LETMD1: variants seen among roughly 807,000 people sequenced by gnomAD.
The protein encoded by LETMD1 is LETM1 domain containing 1, also known as LETM1 domain-containing protein 1.
Under a neutral mutation model 43.9 loss-of-function variants are expected in LETMD1, and 30 were observed. That is an observed-to-expected ratio of 0.68 (90% CI 0.51 to 0.93). The LOEUF (loss-of-function observed/expected upper bound fraction) is 0.93. LETMD1 is among the 40% of genes least tolerant of loss of function. The pLI is 0.00. For synonymous variants in LETMD1, 176 were observed against 163.1 expected, an observed-to-expected ratio of 1.08 and a Z score of -0.60; for missense variants, 413 against 447.7, an observed-to-expected ratio of 0.92 and a Z score of 0.70.
intron 1 of LETMD1, chr12:51,048,828 G>A (rs562588237): frequency 1.7e-6 from 1 of 604,958 alleles, no homozygotes; most frequent in African/African-American, 1.9e-5. Context: ...GGCATACCCT[G>A]AGTTACTTTC....
intron 3 of LETMD1, 116 bp downstream of exon 3, chr12:51,052,323 C>T: frequency 8.0e-7 from 1 of 1,249,372 alleles, no homozygotes; most frequent in Non-Finnish European, 1.1e-6. Flanking sequence ...TTGCCCTTTG[C>T]CGTGAGAACA....
chr12:51,064,662 C>T (rs1937919308), downstream of LETMD1: 7 of 1,519,936 alleles, frequency 4.6e-6, no homozygotes, highest in African/African-American at 1.4e-5. Flanking sequence ...AAAGGACATG[C>T]GATCCACCTG....
chr12:51,049,442 A>AATGATACGGCG, intron 2 of LETMD1: 3 of 380,946 alleles, frequency 7.9e-6, no homozygotes, highest in Non-Finnish European at 1.4e-5. Context: ...GTACTTTCTT[A>AATGATACGGCG]ACCACACACC....
intron 4 of LETMD1, among the ~76,000 whole-genome samples, chr12:51,054,885 G>A (rs1361009151): frequency 1.3e-5 from 2 of 152,176 alleles, no homozygotes; most frequent in Admixed American, 1.3e-4. Context: ...CAGATCACAA[G>A]GTCAGGAGAT....
intron 4 of LETMD1, among the ~76,000 whole-genome samples, chr12:51,054,790 G>A (rs1344355460): frequency 1.3e-5 from 2 of 152,116 alleles, no homozygotes; most frequent in African/African-American, 2.4e-5. Flanking sequence ...CACCAAACAC[G>A]TAGATAAATA....
chr12:51,050,869 C>T (rs570014156), intron 2 of LETMD1, among the ~76,000 whole-genome samples: 1 of 151,258 alleles, frequency 6.6e-6, no homozygotes, highest in South Asian at 2.1e-4. Flanking sequence ...CAAAATCAGC[C>T]AGGTATAGTG....
At position 51,053,798 on chromosome 12, in the gene LETMD1, G is replaced by A. The variant is rs144819671; in HGVS notation, c.411G>A (p.Lys137=). ...HLRQFRQDVT[K]CLFLGIISIP... ...CTTAGTTCCGCCAAGACGTCACCAA[G>A]TGTCTTTTCCTAGGTATTATTTCCA... The change falls in exon 4 of 9, where the codon AAG becomes AAA. Residue 137 remains lysine, a synonymous_variant. Transcript: ENST00000262055. The A allele has an allele frequency of 7.4e-6, 12 of 1,613,250 alleles. No individual in the cohort carries two copies. The highest frequency in any genetic ancestry group is 4.5e-5 in the East Asian group (2 of 44,856).
the LETMD1 span, chr12:51,067,983 G>C: frequency 6.2e-7 from 1 of 1,610,450 alleles, no homozygotes. This position sits in a 1 kb window ranked among gnomAD's most constrained non-coding sequence, Gnocchi z 4.1. Flanking sequence ...CCAAGAGACA[G>C]GAAAGGTTAG....
chr12:51,057,681 A>C (rs1948115663), intron 7 of LETMD1: 1 of 287,470 alleles, frequency 3.5e-6, no homozygotes, highest in Middle Eastern at 1.3e-3. Flanking sequence ...GCTGGAGTGC[A>C]GTGGCATGAT....
At chr12:51,059,059 C>T (rs1441796061) in intron 8 of LETMD1, 2 of 370,200 alleles carry the variant, frequency 5.4e-6, no homozygotes, top group Admixed American at 7.6e-5. Flanking sequence ...GAGAAATGTC[C>T]CTAGAGCACC....
chr12:51,056,283 C>T, intron 6 of LETMD1, 38 bp downstream of exon 6: 1 of 1,613,178 alleles, frequency 6.2e-7, no homozygotes, highest in South Asian at 1.1e-5. Flanking sequence ...CATAGCATCA[C>T]CATGTTTCAG....
chr12:51,063,838 T>C (rs760433571), downstream of LETMD1: 1 of 1,613,848 alleles, frequency 6.2e-7, no homozygotes, highest in Non-Finnish European at 8.5e-7. Flanking sequence ...CCCTCTTCAT[T>C]GTCCGTGCGG....
intron 3 of LETMD1, among the ~76,000 whole-genome samples, chr12:51,052,578 C>T (rs1403642992): frequency 2.6e-5 from 4 of 152,038 alleles, no homozygotes; most frequent in African/African-American, 7.2e-5. Context: ...GTCAGGAATT[C>T]GAGACCAGCC....
chr12:51,049,418 A>ATAGG (rs1945299313), intron 2 of LETMD1: 1 of 457,718 alleles, frequency 2.2e-6, no homozygotes, highest in Non-Finnish European at 3.9e-6. Context: ...GAGGGAGAAT[A>ATAGG]TAGGTATGTT....
Position 51,053,828 on chromosome 12 carries a change from A to G in LETMD1, c.441A>G (p.Pro147=), listed in dbSNP as rs578055986. The G allele has an allele frequency of 4.0e-4, 641 of 1,613,166 alleles. 1 individual carries two copies. Among genetic ancestry groups the G allele is most frequent in the Admixed American group, 7.7e-4 (46 of 59,876 alleles). ...TTTTCCTAGGTATTATTTCCATTCC[A>G]CCTTTTGCCAACTACCTGGTCTTCT... ...KCLFLGIISI[P]PFANYLVFLL... is the part of the protein sequence containing the mutation. The change falls in exon 4 of 9, where the codon CCA becomes CCG. Residue 147 remains proline (P), a synonymous_variant. Coordinates refer to ENST00000262055, the MANE Select transcript of LETMD1 (RefSeq NM_015416.5).
chr12:51,052,035 T>A, intron 2 of LETMD1, 57 bp from the exon 3 acceptor site: 1 of 1,496,418 alleles, frequency 6.7e-7, no homozygotes, highest in South Asian at 1.2e-5. Flanking sequence ...TAGGAAGCTG[T>A]GGTTAAGATT....
chr12:51,055,250 T>G (rs1947318582), intron 4 of LETMD1, among the ~76,000 whole-genome samples: 2 of 152,030 alleles, frequency 1.3e-5, no homozygotes, highest in South Asian at 4.1e-4. Context: ...TCAAAATGAG[T>G]CATTATATCT....
chr12:51,065,577 C>G, the LETMD1 span, among the ~76,000 whole-genome samples: 1 of 152,012 alleles, frequency 6.6e-6, no homozygotes. Flanking sequence ...CTCACTGCAG[C>G]CTGGAGCCAT....
In LETMD1 at chr12:51,048,343, C is replaced by T. The variant is rs753457634; in HGVS notation, c.-14C>T. On this transcript the variant is annotated 5_prime_UTR_variant, in exon 1 of 9. Coordinates refer to ENST00000262055, the MANE Select transcript of LETMD1 (RefSeq NM_015416.5). Reference sequence around the variant, plus strand: ...AAAGACAACCTCTTCTCTCCCGCTTCTCTCGCTGTGAAGATGGCGCTCTCC... The same window carrying T: ...AAAGACAACCTCTTCTCTCCCGCTTTTCTCGCTGTGAAGATGGCGCTCTCC... The T allele has an allele frequency of 2.3e-5, 37 of 1,614,116 alleles. 1 individual carries two copies. Among genetic ancestry groups the T allele is most frequent in the Admixed American group, 5.0e-5 (3 of 60,014 alleles).
Sources: gnomAD v4.1 joint callset for allele counts (sites outside exome capture counted in the v4.1 genomes callset) on GRCh38, gnomAD v4.1.1 for gene constraint, Gnocchi (gnomAD v3.1) non-coding constraint, MANE v1.5 for transcripts, NCBI Gene and HGNC (gene_info 2026-07-23, HGNC 2026-07-21) for gene names.